TRPM3: variants seen among roughly 807,000 people sequenced by gnomAD.
The protein encoded by TRPM3 is long transient receptor potential channel 3.
In TRPM3, 77 loss-of-function variants were observed where a neutral mutation model predicts 181.2. The ratio of observed to expected loss-of-function variants is 0.42; its 90% CI spans 0.35 to 0.51. The LOEUF (loss-of-function observed/expected upper bound fraction) is 0.51, where lower values mean the gene tolerates loss of function less well. Among genes scored for constraint, TRPM3 ranks in the 20% least tolerant of loss-of-function variants. The pLI is 0.01. For synonymous variants in TRPM3, 745 were observed against 796.4 expected (o/e 0.94, Z 1.09); for missense variants, 1,759 against 2,196.7 (o/e 0.80, Z 3.98).
At chr9:70,970,625 T>C (rs1416430850) in intron 1 of TRPM3, among the ~76,000 whole-genome samples, 1 of 152,188 alleles carries the variant, frequency 6.6e-6, no homozygotes, top group Non-Finnish European at 1.5e-5. Context: ...ATTTGCCCAT[T>C]ATCTTGTGTT....
intron 1 of TRPM3, among the ~76,000 whole-genome samples, chr9:71,265,582 T>C (rs1304015459): frequency 6.6e-6 from 1 of 152,214 alleles, no homozygotes; most frequent in Non-Finnish European, 1.5e-5. Flanking sequence ...TTCCAATACC[T>C]CCTTATCCTG....
Position 70,553,228 on chromosome 9 carries a change from C to A in TRPM3, c.3306G>T (p.Pro1102=). 1 of 1,614,028 alleles carries A rather than the reference C, an allele frequency of 6.2e-7. No homozygotes were observed. Among genetic ancestry groups the A allele is most frequent in the Non-Finnish European group, 8.5e-7 (1 of 1,180,004 alleles). ...PPCKTGAWIV[P]AIMACYLLVA... is the part of the protein sequence containing the mutation. Reference sequence around the variant, plus strand: ...CTAAGAGGTAGCAGGCCATGATGGCCGGCACGATCCAAGCTCCTGTCTTGC... The same window carrying A: ...CTAAGAGGTAGCAGGCCATGATGGCAGGCACGATCCAAGCTCCTGTCTTGC... Residue 1102 remains proline, a synonymous_variant, in exon 23 of 26, where the codon CCG becomes CCT. Transcript: ENST00000677713.
chr9:70,823,588 C>T lies in TRPM3; in HGVS notation c.973+4259G>A, dbSNP rs141515529. On this transcript the variant is annotated intron_variant, in intron 6 of 25. Transcript: ENST00000677713. ...GCACACGTGTGCATGCACACAAGTG[C>T]ACTGATAGATGCTTTACTCTGCTTT... Among the ~76,000 whole-genome samples, 168 of 152,332 alleles carry T rather than the reference C, an allele frequency of 1.1e-3. 1 individual carries two copies. The highest frequency in any genetic ancestry group is 2.1e-3 in the Non-Finnish European group (140 of 68,036).
At chr9:70,979,941 C>T (rs3010439) in intron 1 of TRPM3, among the ~76,000 whole-genome samples, 101,804 of 151,710 alleles carry the variant, frequency 0.67, 34,348 homozygotes, top group South Asian at 0.73. Context: ...TGCTTATGAC[C>T]TCATTAGCCT....
At chr9:70,862,137 C>A (rs948723798) in intron 3 of TRPM3, among the ~76,000 whole-genome samples, 3 of 152,124 alleles carry the variant, frequency 2.0e-5, no homozygotes, top group African/African-American at 7.2e-5. Context: ...GAACAGACAT[C>A]TCCTGCTCCA....
intron 1 of TRPM3, among the ~76,000 whole-genome samples, chr9:71,151,039 C>CT (rs1246794340): frequency 1.3e-5 from 2 of 152,136 alleles, no homozygotes; most frequent in African/African-American, 4.8e-5. Context: ...GATTTGATCT[C>CT]TATCTATTCT....
intron 22 of TRPM3, among the ~76,000 whole-genome samples, chr9:70,581,951 TCTCCTTCC>T (rs1285436699): frequency 5.6e-5 from 4 of 71,756 alleles, no homozygotes; most frequent in Admixed American, 1.5e-4. Context: ...TTCCTTGTCT[TCTCCTTCC>T]TTTCTTCCTT....
intron 22 of TRPM3, among the ~76,000 whole-genome samples, chr9:70,559,039 G>T (rs2048407584): frequency 1.3e-5 from 2 of 152,178 alleles, no homozygotes; most frequent in African/African-American, 4.8e-5. Flanking sequence ...TGTTGTGGGG[G>T]GTTTTGGAGC....
intron 19 of TRPM3, among the ~76,000 whole-genome samples, chr9:70,606,393 A>G (rs1316310142): frequency 6.6e-6 from 1 of 151,072 alleles, no homozygotes; most frequent in Non-Finnish European, 1.5e-5. Flanking sequence ...CACTTTCATC[A>G]TTTTTAGCCC....
At chr9:70,597,281 A>G (rs999949148) in intron 21 of TRPM3, among the ~76,000 whole-genome samples, 26 of 151,420 alleles carry the variant, frequency 1.7e-4, no homozygotes, top group African/African-American at 5.3e-4. Flanking sequence ...TGTGCTGCCC[A>G]AGCTGGTCTC....
rs1554753018 is a variant in TRPM3 at position 70,864,534 on chromosome 9, A to AAAAG, written c.178-24_178-23insCTTT. 1.0e-5 allele frequency: 15 copies of AAAAG among 1,465,582 alleles called. 1 individual carries two copies. Among genetic ancestry groups the AAAAG allele is most frequent in the Non-Finnish European group, 1.3e-5 (14 of 1,111,572 alleles). The allele number at this position is 1,465,582 out of a possible 1,614,324, so 90.8% of individuals were successfully genotyped here. ...AGCCTGAAAAAGAAAACAAAAAAAA[A>AAAAG]AAAAAAAGAAAAAAGAAAGAAAGGT... On this transcript the variant is annotated intron_variant, in intron 1 of 25. Coordinates refer to ENST00000677713, the MANE Select transcript of TRPM3 (RefSeq NM_001366145.2).
intron 3 of TRPM3, among the ~76,000 whole-genome samples, chr9:70,853,550 A>G (rs2095302636): frequency 6.6e-6 from 1 of 152,256 alleles, no homozygotes; most frequent in Non-Finnish European, 1.5e-5. Context: ...AGGAAGATTT[A>G]GGAAGTACTG....
chr9:70,978,022 G>A (rs1306320736), intron 1 of TRPM3, among the ~76,000 whole-genome samples: 1 of 152,138 alleles, frequency 6.6e-6, no homozygotes, highest in East Asian at 1.9e-4. Flanking sequence ...GTTGAGGAGT[G>A]GGGCTGAAAG....
At chr9:70,889,790 C>A (rs575210807) in intron 1 of TRPM3, among the ~76,000 whole-genome samples, 3 of 151,856 alleles carry the variant, frequency 2.0e-5, no homozygotes, top group African/African-American at 7.2e-5. Flanking sequence ...TAAGGAAAGC[C>A]TCTACCATGA....
At chr9:70,621,145 CTATA>C (rs923263891) in intron 15 of TRPM3, 95 bp downstream of exon 15, 3 of 376,324 alleles carry the variant, frequency 8.0e-6, no homozygotes, top group Admixed American at 5.5e-5. Flanking sequence ...TGTATATACA[CTATA>C]TATTATTTTA....
intron 1 of TRPM3, among the ~76,000 whole-genome samples, chr9:71,307,912 A>G (rs2087520348): frequency 6.6e-6 from 1 of 151,574 alleles, no homozygotes; most frequent in Admixed American, 6.6e-5. Flanking sequence ...AAATTTATTT[A>G]CTTTGAACTT....
chr9:70,790,829 C>A (rs1325070410), intron 6 of TRPM3, among the ~76,000 whole-genome samples: 1 of 151,966 alleles, frequency 6.6e-6, no homozygotes, highest in East Asian at 1.9e-4. Context: ...TAGGAAGATT[C>A]CCAGTTGTGA....
intron 1 of TRPM3, among the ~76,000 whole-genome samples, chr9:71,336,048 G>C (rs1199625078): frequency 1.3e-5 from 2 of 151,920 alleles, no homozygotes; most frequent in African/African-American, 4.8e-5. Context: ...ATTCCAAGAA[G>C]ACATCAGTGT....
chr9:70,862,097 C>T (rs1295763979), intron 3 of TRPM3, among the ~76,000 whole-genome samples: 1 of 152,040 alleles, frequency 6.6e-6, no homozygotes, highest in Non-Finnish European at 1.5e-5. Context: ...ATTTCTTCTC[C>T]AGACTCAAAA....
Sources: allele counts gnomAD v4.1 joint callset (sites outside exome capture counted in the v4.1 genomes callset), GRCh38; gene constraint gnomAD v4.1.1; transcripts MANE v1.5; gene names NCBI Gene and HGNC (gene_info 2026-07-23, HGNC 2026-07-21).